Variants in TRPC5 observed in about 807,000 individuals in gnomAD.
TRPC5 encodes the protein transient receptor potential cation channel subfamily C member 5.
In TRPC5, 9 loss-of-function variants were observed where a neutral mutation model predicts 56.5. The observed-to-expected ratio is 0.16, with a 90% confidence interval of 0.10 to 0.28. TRPC5 has a LOEUF of 0.28. TRPC5 is among the 10% of genes least tolerant of loss of function. The pLI, the probability that TRPC5 is intolerant of heterozygous loss-of-function variation, is 1.00. For synonymous variants in TRPC5, 282 were observed against 278.5 expected, an observed-to-expected ratio of 1.01 and a Z score of -0.13; for missense variants, 469 against 748.9, an observed-to-expected ratio of 0.63 and a Z score of 4.36.
Position 111,841,907 on chromosome X carries a change from C to T in TRPC5, c.1700+5207G>A, listed in dbSNP as rs756412018. ...TGTATTTTTAATAGAGACGGGATTT[C>T]GCCATGTTGGCCAGGCTGGTCTCAA... is the stretch of plus-strand genomic sequence containing the variant. On this transcript the variant is annotated intron_variant, in intron 6 of 10. Transcript: ENST00000262839. 1.0e-4 allele frequency among the ~76,000 whole-genome samples: 11 copies of T among 107,529 alleles called. No homozygotes were observed. The South Asian group carries it at 1.2e-3, about 12-fold the overall frequency. The allele number at this position is 107,529 out of a possible 115,157, so 93.4% of individuals were successfully genotyped here. A position where few individuals can be genotyped will look rare whatever the true frequency, so the allele number is the denominator to read the frequency against.
chrX:111,955,719 T>C (rs1418594850), intron 1 of TRPC5, among the ~76,000 whole-genome samples: 2 of 111,896 alleles, frequency 1.8e-5, no homozygotes, highest in Admixed American at 9.5e-5. Context: ...GCATGCTTGC[T>C]GTTAGGCCTA....
At chrX:111,914,303 AT>A (rs1241317263) in intron 2 of TRPC5, among the ~76,000 whole-genome samples, 1 of 112,243 alleles carries the variant, frequency 8.9e-6, no homozygotes, top group Non-Finnish European at 1.9e-5. Flanking sequence ...TTTGTTTTAG[AT>A]TTTTTTATCT....
chrX:111,977,859 T>C (rs905838310), intron 1 of TRPC5, among the ~76,000 whole-genome samples: 1 of 111,737 alleles, frequency 8.9e-6, no homozygotes, highest in Non-Finnish European at 1.9e-5. Context: ...AACAGGCATA[T>C]GCAAAGGTGT....
intron 1 of TRPC5, among the ~76,000 whole-genome samples, chrX:112,076,029 T>C (rs1272639952): frequency 8.9e-6 from 1 of 112,010 alleles, no homozygotes; most frequent in African/African-American, 3.2e-5. Flanking sequence ...TTTAAATTGA[T>C]AAGGTTGTGA....
At chrX:112,080,291 C>T (rs745948622) in intron 1 of TRPC5, among the ~76,000 whole-genome samples, 11 of 110,336 alleles carry the variant, frequency 1.0e-4, no homozygotes, top group South Asian at 7.9e-4. Flanking sequence ...GTTTAACAGA[C>T]GAACCTGGGT....
At chrX:111,944,304 G>GTGTGTGTGTGAA (rs1556592186) in intron 2 of TRPC5, among the ~76,000 whole-genome samples, 13 of 70,252 alleles carry the variant, frequency 1.9e-4, no homozygotes, top group Admixed American at 7.1e-4. Flanking sequence ...GTGTGTGTGT[G>GTGTGTGTGTGAA]AGAGAGAGAG....
chrX:111,942,293 C>T (rs1175758801), intron 2 of TRPC5, among the ~76,000 whole-genome samples: 1 of 112,266 alleles, frequency 8.9e-6, no homozygotes, highest in African/African-American at 3.2e-5. Context: ...GATTGTGAGG[C>T]ATATGATTAG....
chrX:111,942,436 G>T (rs138604195), intron 2 of TRPC5, among the ~76,000 whole-genome samples: 4 of 112,006 alleles, frequency 3.6e-5, no homozygotes, highest in African/African-American at 1.3e-4. Context: ...CATTGTAAAT[G>T]GTAGCATTTC....
chrX:111,839,195 C>T (rs1922653663), intron 6 of TRPC5, among the ~76,000 whole-genome samples: 1 of 111,603 alleles, frequency 9.0e-6, no homozygotes, highest in Non-Finnish European at 1.9e-5. Context: ...TCTTTCCTTT[C>T]TCCTTTTCTG....
chrX:112,052,234 C>G (rs1283740739), intron 1 of TRPC5, among the ~76,000 whole-genome samples: 1 of 111,449 alleles, frequency 9.0e-6, no homozygotes, highest in East Asian at 2.8e-4. Flanking sequence ...ACTTTACGTT[C>G]CCATCAACAG....
chrX:111,943,634 C>T (rs1221119220), intron 2 of TRPC5, among the ~76,000 whole-genome samples: 5 of 112,425 alleles, frequency 4.4e-5, no homozygotes, highest in African/African-American at 1.6e-4. Flanking sequence ...CACCTGCTTG[C>T]ATTGACGCAA....
At chrX:111,938,548 T>C (rs1926670394) in intron 2 of TRPC5, among the ~76,000 whole-genome samples, 1 of 111,520 alleles carries the variant, frequency 9.0e-6, no homozygotes, top group Non-Finnish European at 1.9e-5. Flanking sequence ...TGAGAGTTTT[T>C]AGCATGAAGG....
chrX:111,894,234 C>A (rs1044394418), intron 3 of TRPC5, among the ~76,000 whole-genome samples: 3 of 111,600 alleles, frequency 2.7e-5, no homozygotes, highest in Admixed American at 9.6e-5. Flanking sequence ...TAAAGATAGA[C>A]CCAGAGGATT....
At chrX:111,788,152 C>T (rs151133856) in intron 7 of TRPC5, among the ~76,000 whole-genome samples, 2,032 of 111,630 alleles carry the variant, frequency 0.018, 40 homozygotes, top group African/African-American at 0.063. Flanking sequence ...AACATCAATG[C>T]GAAAATCCTC....
At chrX:111,964,363 G>A (rs960510376) in intron 1 of TRPC5, among the ~76,000 whole-genome samples, 2 of 112,329 alleles carry the variant, frequency 1.8e-5, no homozygotes, top group Admixed American at 1.9e-4. Flanking sequence ...ATACCTGAAA[G>A]TAACAGGGAG....
intron 1 of TRPC5, among the ~76,000 whole-genome samples, chrX:112,004,199 A>G (rs1010816828): frequency 2.7e-5 from 3 of 111,725 alleles, no homozygotes; most frequent in African/African-American, 9.8e-5. Context: ...CACTTAATTA[A>G]CCATAGAGTT....
chrX:111,902,235 C>T (rs1181482609), intron 3 of TRPC5: 4 of 834,109 alleles, frequency 4.8e-6, no homozygotes, highest in Non-Finnish European at 6.5e-6. Flanking sequence ...GATCATTTCT[C>T]TGTTTTAATA....
At chrX:111,795,683 T>G (rs908483716) in intron 7 of TRPC5, among the ~76,000 whole-genome samples, 7 of 112,018 alleles carry the variant, frequency 6.2e-5, no homozygotes, top group African/African-American at 2.3e-4. Flanking sequence ...AGTTTGACTA[T>G]GATGTAAATA....
intron 2 of TRPC5, among the ~76,000 whole-genome samples, chrX:111,924,468 TAA>T (rs1387462193): frequency 9.9e-6 from 1 of 101,383 alleles, no homozygotes. Context: ...GAGAGGCCTT[TAA>T]AAAAAAAAAA....
Sources: allele counts gnomAD v4.1 joint callset (sites outside exome capture counted in the v4.1 genomes callset), GRCh38; gene constraint gnomAD v4.1.1; transcripts MANE v1.5; gene names NCBI Gene and HGNC (gene_info 2026-07-23, HGNC 2026-07-21).